CREB1: variants seen among roughly 807,000 people sequenced by gnomAD.
CREB1 encodes cyclic AMP-responsive element-binding protein 1.
CREB1 carries 2 observed loss-of-function variants against 42.0 expected under a neutral mutation model. The ratio of observed to expected loss-of-function variants is 0.05; its 90% CI spans 0.02 to 0.15. The LOEUF (loss-of-function observed/expected upper bound fraction) is 0.15. Ranked by LOEUF, CREB1 falls within the 10% of genes least tolerant of loss-of-function variation. The probability of loss-of-function intolerance (pLI) is 1.00; values close to 1 mark genes in which losing one functional copy is unlikely to be tolerated. For missense variants in CREB1, 199 were observed against 388.9 expected, an observed-to-expected ratio of 0.51 and a Z score of 4.11; for synonymous variants, 123 against 139.9, an observed-to-expected ratio of 0.88 and a Z score of 0.85.
rs1034069843 is a variant in CREB1 at position 207,599,438 on chromosome 2, T to A, written c.*2380T>A. 1.0e-5 allele frequency: 2 copies of A among 199,778 alleles called. No individual in the cohort carries two copies. Among genetic ancestry groups the A allele is most frequent in the Non-Finnish European group, 2.1e-5 (2 of 96,910 alleles). The allele number at this position is 199,778 out of a possible 1,614,324, so 12.4% of individuals were successfully genotyped here. On this transcript the variant is annotated 3_prime_UTR_variant, in exon 8 of 8. Transcript: ENST00000353267. Reference sequence around the variant, plus strand: ...AAAGCTTTTTTTCAAAAGTTCAGGCTTTCTACTTACTGGGAAGTTGGTGGT... The same window carrying A: ...AAAGCTTTTTTTCAAAAGTTCAGGCATTCTACTTACTGGGAAGTTGGTGGT...
Position 207,577,772 on chromosome 2 carries a change from A to G in CREB1, c.839+117A>G, listed in dbSNP as rs751050757. On this transcript the variant is annotated intron_variant, in intron 7 of 7. Coordinates refer to ENST00000353267, the MANE Select transcript of CREB1 (RefSeq NM_004379.5). ...TCTTTGCATTGAATTTTTTTTTTCC[A>G]GCAGAATTAATGGATCTTGCTAAAT... The G allele has an allele frequency of 3.2e-6, 4 of 1,259,156 alleles. No individual in the cohort carries two copies. The African/African-American group carries it at 5.9e-5, about 19-fold the overall frequency. 78.0% of individuals were successfully genotyped at this position (1,259,156 alleles called of 1,614,324 possible).
At chr2:207,533,978 T>G (rs1291383883) in intron 1 of CREB1, among the ~76,000 whole-genome samples, 1 of 152,212 alleles carries the variant, frequency 6.6e-6, no homozygotes, top group Non-Finnish European at 1.5e-5. Context: ...TACTACTACT[T>G]ATTTCATAAG....
chr2:207,575,575 C>G lies in CREB1; in HGVS notation c.688+121C>G, dbSNP rs553453322. 6.1e-6 allele frequency: 5 copies of G among 822,596 alleles called. No homozygotes were observed. The South Asian group carries it at 1.2e-4, about 20-fold the overall frequency. 51.0% of individuals were successfully genotyped at this position (822,596 alleles called of 1,614,324 possible). A position where few individuals can be genotyped will look rare whatever the true frequency, so the allele number is the denominator to read the frequency against. ...CATTCAAATGTAGTTAACATTTCTTCAATATTGATAGTATTTTTCATGAAC... is the reference window on the plus strand; with the variant it reads ...CATTCAAATGTAGTTAACATTTCTTGAATATTGATAGTATTTTTCATGAAC... On this transcript the variant is annotated intron_variant, in intron 6 of 7. Transcript: ENST00000353267.
chr2:207,532,982 C>T (rs2080713479), intron 1 of CREB1, among the ~76,000 whole-genome samples: 1 of 151,986 alleles, frequency 6.6e-6, no homozygotes. Flanking sequence ...AAACTTCAAA[C>T]TTGTATTCAT....
At chr2:207,570,040 C>CAACA in intron 4 of CREB1, 139 bp from the exon 5 acceptor site, 1 of 172,960 alleles carries the variant, frequency 5.8e-6, no homozygotes, top group East Asian at 1.2e-4. Context: ...GACTCCATCT[C>CAACA]AAAAAAAAAA....
At chr2:207,590,565 TTG>T (rs1232919081) in intron 7 of CREB1, among the ~76,000 whole-genome samples, 1 of 152,114 alleles carries the variant, frequency 6.6e-6, no homozygotes, top group Non-Finnish European at 1.5e-5. Context: ...ATATATACCT[TTG>T]TCTTATTTCA....
intron 7 of CREB1, among the ~76,000 whole-genome samples, chr2:207,595,413 T>G (rs1056719426): frequency 6.6e-5 from 10 of 151,988 alleles, no homozygotes; most frequent in African/African-American, 1.7e-4. Context: ...TCTTTATATA[T>G]TCTAGATTTT....
rs1328634842 is a variant in CREB1 at position 207,599,359 on chromosome 2, GAAGT to G, written c.*2306_*2309del. ...AAATGTCGAATCGAACATTTTGAAT[GAAGT>G]AAGTGTTATAAATGAAAAATTGCCT... is the stretch of plus-strand genomic sequence containing the variant. On this transcript the variant is annotated 3_prime_UTR_variant, in exon 8 of 8. Coordinates refer to ENST00000353267, the MANE Select transcript of CREB1 (RefSeq NM_004379.5). 3 of 207,430 alleles carry G rather than the reference GAAGT, an allele frequency of 1.4e-5. No homozygotes were observed. Among genetic ancestry groups the G allele is most frequent in the African/African-American group, 2.3e-5 (1 of 43,924 alleles). The allele number at this position is 207,430 out of a possible 1,614,324, so 12.8% of individuals were successfully genotyped here.
rs56299306 is a variant in CREB1 at position 207,598,255 on chromosome 2, C to T, written c.*1197C>T. The T allele has an allele frequency of 6.1e-3, 1,120 of 183,932 alleles. 50 individuals carry two copies. The Admixed American group carries it at 0.062, about 10-fold the overall frequency. 11.4% of individuals were successfully genotyped at this position (183,932 alleles called of 1,614,324 possible). A position where few individuals can be genotyped will look rare whatever the true frequency, so the allele number is the denominator to read the frequency against. ...CAGACATATTTGAATGACTGCTGTA[C>T]TGCAATATTTGGATTGTCATTCTTA... On this transcript the variant is annotated 3_prime_UTR_variant, in exon 8 of 8. Transcript: ENST00000353267.
intron 1 of CREB1, among the ~76,000 whole-genome samples, chr2:207,540,910 T>G (rs1232975980): frequency 6.6e-6 from 1 of 151,828 alleles, no homozygotes; most frequent in Non-Finnish European, 1.5e-5. Flanking sequence ...TGAAAGAAAA[T>G]TTTGTTTATA....
At chr2:207,566,240 T>TA (rs1383656127) in intron 3 of CREB1, among the ~76,000 whole-genome samples, 16 of 152,202 alleles carry the variant, frequency 1.1e-4, no homozygotes, top group African/African-American at 3.9e-4. Context: ...GGAGAACTGT[T>TA]AGGCTCAGAC....
At chr2:207,532,910 C>T (rs181443275) in intron 1 of CREB1, among the ~76,000 whole-genome samples, 4 of 151,810 alleles carry the variant, frequency 2.6e-5, no homozygotes, top group East Asian at 2.0e-4. Context: ...TGTGAGCCAC[C>T]GCGCCCGGCC....
At chr2:207,589,459 C>T (rs1314961046) in intron 7 of CREB1, among the ~76,000 whole-genome samples, 4 of 152,154 alleles carry the variant, frequency 2.6e-5, no homozygotes, top group Admixed American at 2.0e-4. Flanking sequence ...ATTTTAAGGT[C>T]AGCTAATTAA....
chr2:207,567,666 A>T (rs1425820266), intron 4 of CREB1, 103 bp downstream of exon 4: 1 of 648,888 alleles, frequency 1.5e-6, no homozygotes, highest in African/African-American at 1.8e-5. Flanking sequence ...TCAGTTCCTT[A>T]TAGATTACTT....
intron 1 of CREB1, among the ~76,000 whole-genome samples, chr2:207,547,489 C>CT (rs887199352): frequency 2.6e-5 from 4 of 151,988 alleles, no homozygotes; most frequent in Non-Finnish European, 4.4e-5. Context: ...GTATGTGATC[C>CT]TTTTTTTCTT....
chr2:207,536,400 C>T (rs1170530643), intron 1 of CREB1, among the ~76,000 whole-genome samples: 1 of 148,570 alleles, frequency 6.7e-6, no homozygotes, highest in African/African-American at 2.5e-5. Flanking sequence ...ACTAAAAATA[C>T]AAAAATTAGC....
Position 207,596,894 on chromosome 2 carries a change from C to A in CREB1, c.840-20C>A. Reference sequence around the variant, plus strand: ...GTGGAAATCATTTGCATAATTTTTCCCGTCCTCTTTTGCTTGTAGGGAAGC... The same window carrying A: ...GTGGAAATCATTTGCATAATTTTTCACGTCCTCTTTTGCTTGTAGGGAAGC... On this transcript the variant is annotated intron_variant, in intron 7 of 7. Coordinates refer to ENST00000353267, the MANE Select transcript of CREB1 (RefSeq NM_004379.5). 2 of 1,586,960 alleles carry A rather than the reference C, an allele frequency of 1.3e-6. No homozygotes were observed. The highest frequency in any genetic ancestry group is 1.9e-5 in the Admixed American group (1 of 52,250).
chr2:207,582,025 C>T (rs1192080032), intron 7 of CREB1: 7 of 698,672 alleles, frequency 1.0e-5, no homozygotes, highest in Admixed American at 4.0e-5. Flanking sequence ...ACATCACATC[C>T]GGGAGCACAT....
rs1401489400 is a variant in CREB1 at position 207,604,022 on chromosome 2, C to G, written c.*6964C>G. Among the ~76,000 whole-genome samples the G allele has an allele frequency of 6.6e-6, 1 of 152,168 alleles. No individual in the cohort carries two copies. The highest frequency in any genetic ancestry group is 1.5e-5 in the Non-Finnish European group (1 of 68,030). On this transcript the variant is annotated 3_prime_UTR_variant, in exon 8 of 8. Transcript: ENST00000353267. ...AATGAATTTCATTTATTTTCTGCAA[C>G]AACGATTACAGAATTTATTGCACAA...
Sources: allele counts gnomAD v4.1 joint callset (sites outside exome capture counted in the v4.1 genomes callset), GRCh38; gene constraint gnomAD v4.1.1; transcripts MANE v1.5; gene names NCBI Gene and HGNC (gene_info 2026-07-23, HGNC 2026-07-21).